The following CERS4 variants were observed in gnomAD, a reference collection of about 807,000 sequenced individuals.
The protein encoded by CERS4 is LAG1 homolog, ceramide synthase 4.
A neutral mutation model predicts 51.8 loss-of-function variants in CERS4; 65 were observed. That is an observed-to-expected ratio of 1.26 (90% CI 1.03 to 1.54). CERS4 has a LOEUF of 1.54. CERS4 is among the 40% of genes most tolerant of loss of function. The pLI is 0.00. For missense variants in CERS4, 563 were observed against 500.4 expected (o/e 1.13, Z -1.19); for synonymous variants, 228 against 208.4 (o/e 1.09, Z -0.81).
chr19:8,213,688 C>T (rs1412146823), intron 2 of CERS4, among the ~76,000 whole-genome samples: 2 of 151,114 alleles, frequency 1.3e-5, no homozygotes, highest in Non-Finnish European at 3.0e-5. Context: ...TAGAGAGGCC[C>T]GGCGCGGTGG....
intron 2 of CERS4, among the ~76,000 whole-genome samples, chr19:8,229,192 G>C (rs1967907768): frequency 6.6e-6 from 1 of 151,982 alleles, no homozygotes; most frequent in Admixed American, 6.6e-5. Flanking sequence ...AGGCAAGGTA[G>C]TGCACACCTG....
chr19:8,238,312 G>A (rs943888104), intron 2 of CERS4, among the ~76,000 whole-genome samples: 3 of 152,092 alleles, frequency 2.0e-5, no homozygotes, highest in Admixed American at 6.6e-5. Flanking sequence ...GGCTGGGGAG[G>A]GGACTCTGCC....
At chr19:8,228,020 C>T (rs1967857231) in intron 2 of CERS4, among the ~76,000 whole-genome samples, 1 of 152,048 alleles carries the variant, frequency 6.6e-6, no homozygotes, top group Non-Finnish European at 1.5e-5. Context: ...CGCCACCACG[C>T]CCAGACAATT....
chr19:8,217,733 T>G (rs1194450778), intron 2 of CERS4, among the ~76,000 whole-genome samples: 8 of 151,934 alleles, frequency 5.3e-5, no homozygotes, highest in Admixed American at 1.3e-4. Flanking sequence ...GAGACGGGGT[T>G]TCACCCTGTT....
chr19:8,215,404 G>A (rs1967255638), intron 2 of CERS4, among the ~76,000 whole-genome samples: 1 of 151,840 alleles, frequency 6.6e-6, no homozygotes, highest in Admixed American at 6.6e-5. Flanking sequence ...GCTTGAACCA[G>A]GGGGGCGGAG....
chr19:8,243,217 AAAAAAAT>A lies in CERS4; in HGVS notation c.-1-7857_-1-7851del, dbSNP rs1364929316. On this transcript the variant is annotated intron_variant, in intron 2 of 11. Coordinates refer to ENST00000251363, the MANE Select transcript of CERS4 (RefSeq NM_024552.3). ...TCTAAAAAAAAAAAAAAAAAAAAAA[AAAAAAAT>A]AGGGGATTGCAGATACCCTGCAGTG... Among the ~76,000 whole-genome samples, 822 of 145,234 alleles carry A rather than the reference AAAAAAAT, an allele frequency of 5.7e-3. 6 individuals are homozygous for A. The highest frequency in any genetic ancestry group is 0.012 in the African/African-American group (423 of 35,498).
intron 10 of CERS4, among the ~76,000 whole-genome samples, 170 bp downstream of exon 10, chr19:8,258,155 C>T (rs1028966605): frequency 3.3e-5 from 5 of 152,090 alleles, no homozygotes; most frequent in South Asian, 2.1e-4. Flanking sequence ...TATGCAAAGG[C>T]GCAGAGGTGA....
At chr19:8,261,890 C>CCTCCCTG in intron 11 of CERS4, 40 bp from the exon 12 acceptor site, 1 of 1,612,586 alleles carries the variant, frequency 6.2e-7, no homozygotes, top group Non-Finnish European at 8.5e-7. Context: ...GCTCCTCCTT[C>CCTCCCTG]CTCCCTGCTC....
intron 2 of CERS4, among the ~76,000 whole-genome samples, chr19:8,240,813 C>T (rs1206605788): frequency 1.3e-5 from 2 of 152,178 alleles, no homozygotes; most frequent in African/African-American, 4.8e-5. Context: ...ACTCAGACCC[C>T]TGAAGAGGGG....
At chr19:8,255,503 A>T (rs949491992) in intron 4 of CERS4, 104 bp from the exon 5 acceptor site, 2 of 968,830 alleles carry the variant, frequency 2.1e-6, no homozygotes, top group African/African-American at 3.3e-5. Flanking sequence ...TGTAGGCAAG[A>T]TGTGGGCCTG....
chr19:8,232,695 A>G (rs984819788), intron 2 of CERS4, among the ~76,000 whole-genome samples: 8 of 151,402 alleles, frequency 5.3e-5, no homozygotes, highest in African/African-American at 1.7e-4. Context: ...TTAGTGCAAC[A>G]TATTTATTAA....
At chr19:8,216,998 T>C (rs1011011648) in intron 2 of CERS4, among the ~76,000 whole-genome samples, 2 of 152,076 alleles carry the variant, frequency 1.3e-5, no homozygotes, top group African/African-American at 4.8e-5. Flanking sequence ...ACTTAACACA[T>C]GTCAGCTTCC....
rs1175693666 is a variant in CERS4 at position 8,261,732 on chromosome 19, C to T, written c.893C>T (p.Pro298Leu). The T allele has an allele frequency of 6.2e-7, 1 of 1,614,040 alleles. No individual in the cohort carries two copies. The highest frequency in any genetic ancestry group is 1.3e-5 in the African/African-American group (1 of 74,908). ...TYYESISNRG[P>L]FFGYYFFNGL... ...TACGAGTCCATCAGCAACAGGGGCC[C>T]CTTCTTCGGCTACTACTTCTTCAAC... is the stretch of plus-strand genomic sequence containing the variant. Residue 298 changes from proline to leucine, a missense_variant, in exon 11 of 12, where the codon CCC becomes CTC. Physicochemically the swap from Pro to Leu is moderately conservative, Grantham distance 98 (BLOSUM62 -3). Transcript: ENST00000251363.
intron 9 of CERS4, 172 bp downstream of exon 9, chr19:8,257,249 C>A: frequency 1.4e-6 from 1 of 693,120 alleles, no homozygotes; most frequent in East Asian, 2.9e-5. Flanking sequence ...GATAAGGCCC[C>A]ACCCCCTCTG....
chr19:8,230,432 C>T (rs143304112), intron 2 of CERS4, among the ~76,000 whole-genome samples: 139 of 152,082 alleles, frequency 9.1e-4, no homozygotes, highest in Non-Finnish European at 1.7e-3. Flanking sequence ...CCAAGTGATC[C>T]GCCCAATTCA....
intron 2 of CERS4, among the ~76,000 whole-genome samples, chr19:8,231,851 ATTTT>A (rs3042169): frequency 1.2e-3 from 128 of 104,394 alleles, no homozygotes; most frequent in Admixed American, 1.5e-3. Flanking sequence ...TGTGCCCAGC[ATTTT>A]TTTTTTTTTT....
At chr19:8,245,736 C>T (rs932859587) in intron 2 of CERS4, among the ~76,000 whole-genome samples, 5 of 151,488 alleles carry the variant, frequency 3.3e-5, no homozygotes, top group Admixed American at 6.6e-5. Flanking sequence ...GACGGGGTTT[C>T]ACCGTGTTGG....
chr19:8,262,217 C>A lies in CERS4; in HGVS notation c.*108C>A. On this transcript the variant is annotated 3_prime_UTR_variant, in exon 12 of 12. Coordinates refer to ENST00000251363, the MANE Select transcript of CERS4 (RefSeq NM_024552.3). ...CACCTTTCTGGAGACAGGGAGGGCC[C>A]CACCCGGGGTGGGTGGGAAGGCTGA... The A allele has an allele frequency of 8.0e-7, 1 of 1,246,990 alleles. No individual in the cohort carries two copies. The highest frequency in any genetic ancestry group is 1.0e-6 in the Non-Finnish European group (1 of 957,362). 77.2% of individuals were successfully genotyped at this position (1,246,990 alleles called of 1,614,324 possible). A position where few individuals can be genotyped will look rare whatever the true frequency, so the allele number is the denominator to read the frequency against.
chr19:8,235,379 C>T (rs1249727795), intron 2 of CERS4, among the ~76,000 whole-genome samples: 1 of 150,042 alleles, frequency 6.7e-6, no homozygotes, highest in East Asian at 2.0e-4. Context: ...CCACCTGCCT[C>T]GGCCTTCCAA....
Sources: gnomAD v4.1 joint callset for allele counts (sites outside exome capture counted in the v4.1 genomes callset) on GRCh38, gnomAD v4.1.1 for gene constraint, MANE v1.5 for transcripts, NCBI Gene and HGNC (gene_info 2026-07-23, HGNC 2026-07-21) for gene names.